ZNF527: variants seen among roughly 807,000 people sequenced by gnomAD.
The protein encoded by ZNF527 is zinc finger protein 527.
Under a neutral mutation model 13.5 loss-of-function variants are expected in ZNF527, and 5 were observed. That is an observed-to-expected ratio of 0.37 (90% CI 0.19 to 0.78). The LOEUF (loss-of-function observed/expected upper bound fraction) is 0.78, where lower values mean the gene tolerates loss of function less well. ZNF527 is among the 30% of genes least tolerant of loss of function. The pLI, the probability that ZNF527 is intolerant of heterozygous loss-of-function variation, is 0.48. For synonymous variants in ZNF527, 209 were observed against 243.1 expected (o/e 0.86, Z 1.30); for missense variants, 628 against 726.4 (o/e 0.86, Z 1.56).
Position 37,389,578 on chromosome 19 carries a change from C to G in ZNF527, c.1529C>G (p.Ala510Gly). Residue 510 changes from alanine to glycine, a missense_variant, in exon 5 of 5, where the codon GCT becomes GGT. Coordinates refer to ENST00000436120, the MANE Select transcript of ZNF527 (RefSeq NM_032453.2). ...CSKCGKAFSD[A>G]LVLIHHKRSH... Reference sequence around the variant, plus strand: ...AAATGTGGGAAAGCCTTCAGTGATGCTTTAGTTCTAATTCACCATAAGAGA... The same window carrying G: ...AAATGTGGGAAAGCCTTCAGTGATGGTTTAGTTCTAATTCACCATAAGAGA... 1 of 1,614,074 alleles carries G rather than the reference C, an allele frequency of 6.2e-7. No individual in the cohort carries two copies. The highest frequency in any genetic ancestry group is 8.5e-7 in the Non-Finnish European group (1 of 1,180,026).
At chr19:37,377,475 T>C (rs1160263812) in intron 2 of ZNF527, among the ~76,000 whole-genome samples, 2 of 152,054 alleles carry the variant, frequency 1.3e-5, no homozygotes, top group Non-Finnish European at 2.9e-5. Context: ...TAGGGAAGCA[T>C]AGTAGAGTGG....
In ZNF527 at chr19:37,388,730, C is replaced by T; in HGVS notation, c.681C>T (p.Phe227=). The T allele has an allele frequency of 6.2e-7, 1 of 1,612,056 alleles. No homozygotes were observed. Among genetic ancestry groups the T allele is most frequent in the Non-Finnish European group, 8.5e-7 (1 of 1,179,532 alleles). The part of the protein sequence containing the change: ...ESLIGNECEE[F]NQSTYLSKDI... ...TGATAGGTAATGAATGTGAAGAATTCAACCAGAGTACGTACCTTAGTAAAG... is the reference window on the plus strand; with the variant it reads ...TGATAGGTAATGAATGTGAAGAATTTAACCAGAGTACGTACCTTAGTAAAG... Residue 227 remains phenylalanine (F), a synonymous_variant, in exon 5 of 5, where the codon TTC becomes TTT. Transcript: ENST00000436120.
At chr19:37,388,194 C>T (rs1600271838) in intron 4 of ZNF527, 112 bp from the exon 5 acceptor site, 10 of 1,267,914 alleles carry the variant, frequency 7.9e-6, no homozygotes, top group Middle Eastern at 2.6e-4. Context: ...ATTAGAACCA[C>T]AGACTTTCTA....
chr19:37,389,019 C>A lies in ZNF527; in HGVS notation c.970C>A (p.His324Asn). 2 of 1,614,192 alleles carry A rather than the reference C, an allele frequency of 1.2e-6. No individual in the cohort carries two copies. Among genetic ancestry groups the A allele is most frequent in the South Asian group, 2.2e-5 (2 of 91,078 alleles). Reference sequence around the variant, plus strand: ...CTTTCTCAGTGAACATCAAAGAACTCATATTGGGGAGAAACCTTATGAATG... The same window carrying A: ...CTTTCTCAGTGAACATCAAAGAACTAATATTGGGGAGAAACCTTATGAATG... Reference protein sequence around the residue: ...DFFLSEHQRTHIGEKPYECKE... With the variant: ...DFFLSEHQRTNIGEKPYECKE... Residue 324 changes from histidine to asparagine, a missense_variant, in exon 5 of 5, where the codon CAT becomes AAT. Transcript: ENST00000436120.
At chr19:37,388,220 G>A in intron 4 of ZNF527, 86 bp from the exon 5 acceptor site, 1 of 1,491,918 alleles carries the variant, frequency 6.7e-7, no homozygotes, top group East Asian at 2.3e-5. Context: ...CTTCCCCCCA[G>A]TTAAATTCTT....
intron 3 of ZNF527, 91 bp downstream of exon 3, chr19:37,379,337 C>G: frequency 7.9e-7 from 1 of 1,260,044 alleles, no homozygotes; most frequent in South Asian, 2.2e-5. Context: ...CTTAAGACAT[C>G]TTAAAAGCAC....
intron 4 of ZNF527, 54 bp from the exon 5 acceptor site, chr19:37,388,252 T>G (rs773694025): frequency 1.9e-6 from 3 of 1,563,592 alleles, no homozygotes; most frequent in Non-Finnish European, 2.6e-6. Flanking sequence ...CTAACAATTT[T>G]CTTCCTCATA....
At position 37,372,443 on chromosome 19, in the gene ZNF527, CTTTCTTTTCT is replaced by C. The variant is rs201310158; in HGVS notation, c.-42+1236_-42+1245del. Among the ~76,000 whole-genome samples the C allele has an allele frequency of 4.8e-3, 627 of 131,486 alleles. 11 individuals are homozygous for C. Among genetic ancestry groups the C allele is most frequent in the African/African-American group, 0.018 (571 of 31,678 alleles). The allele number at this position is 131,486 out of a possible 152,430, so 86.3% of individuals were successfully genotyped here. On this transcript the variant is annotated intron_variant, in intron 1 of 4. Transcript: ENST00000436120. ...AATTCTAGGTCAACCACAGTTGTCC[CTTTCTTTTCT>C]TTTCTTTTCTTTTCTTTTTTTTTTT... is the stretch of plus-strand genomic sequence containing the variant.
Position 37,374,238 on chromosome 19 carries a change from A to G in ZNF527, c.33+7A>G, listed in dbSNP as rs1241156066. ...TTGTAAAGCCATGTCCCAGGTAAGCATGCTCTTTCACTTTGTTTTCAGACA... is the reference window on the plus strand; with the variant it reads ...TTGTAAAGCCATGTCCCAGGTAAGCGTGCTCTTTCACTTTGTTTTCAGACA... On this transcript the variant is annotated splice_region_variant and intron_variant, in intron 2 of 4. Transcript: ENST00000436120. 6.2e-7 allele frequency: 1 copy of G among 1,614,064 alleles called. No homozygotes were observed. The highest frequency in any genetic ancestry group is 1.7e-5 in the Admixed American group (1 of 59,992).
At chr19:37,384,636 T>G (rs971121290) in intron 4 of ZNF527, among the ~76,000 whole-genome samples, 2 of 152,352 alleles carry the variant, frequency 1.3e-5, no homozygotes, top group African/African-American at 4.8e-5. Flanking sequence ...AATGACAGTG[T>G]CTGAGAATGG....
chr19:37,389,594 C>G lies in ZNF527; in HGVS notation c.1545C>G (p.His515Gln). The part of the protein sequence containing the change: ...KAFSDALVLI[H>Q]HKRSHAGEKP... ...TCAGTGATGCTTTAGTTCTAATTCA[C>G]CATAAGAGAAGTCATGCAGGAGAGA... The change falls in exon 5 of 5, where the codon CAC (histidine) becomes CAG (glutamine). Residue 515 changes from histidine (H) to glutamine (Q), a missense_variant. Around this residue, in one of 3 missense-constraint regions of ZNF527, gnomAD observed 592 missense variants for 678.0 expected, o/e 0.87. Transcript: ENST00000436120. The G allele has an allele frequency of 6.2e-7, 1 of 1,613,360 alleles. No homozygotes were observed. Among genetic ancestry groups the G allele is most frequent in the Non-Finnish European group, 8.5e-7 (1 of 1,179,868 alleles).
intron 2 of ZNF527, among the ~76,000 whole-genome samples, chr19:37,377,234 G>A (rs1054710073): frequency 1.3e-5 from 2 of 152,152 alleles, no homozygotes; most frequent in African/African-American, 4.8e-5. Flanking sequence ...AAGGGAGAGA[G>A]GCGAAAATGT....
At chr19:37,371,815 G>A (rs2040559152) in intron 1 of ZNF527, among the ~76,000 whole-genome samples, 1 of 152,096 alleles carries the variant, frequency 6.6e-6, no homozygotes, top group African/African-American at 2.4e-5. Context: ...TGTATTGTGT[G>A]AGATTATGGG....
At position 37,389,976 on chromosome 19, in the gene ZNF527, C is replaced by A; in HGVS notation, c.*97C>A. ...GGTTAGTAATTCTTTGAATGTAGTT[C>A]ATATTTCAGTTCATGAGTATCCGTT... On this transcript the variant is annotated 3_prime_UTR_variant, in exon 5 of 5. Transcript: ENST00000436120. The A allele has an allele frequency of 7.0e-7, 1 of 1,419,736 alleles. No individual in the cohort carries two copies. Among genetic ancestry groups the A allele is most frequent in the Non-Finnish European group, 9.4e-7 (1 of 1,065,914 alleles). The allele number at this position is 1,419,736 out of a possible 1,614,324, so 87.9% of individuals were successfully genotyped here.
At position 37,388,835 on chromosome 19, in the gene ZNF527, T is replaced by G. The variant is rs200562474; in HGVS notation, c.786T>G (p.Thr262=). 2.4e-4 allele frequency: 386 copies of G among 1,613,990 alleles called. 1 individual carries two copies. In the African/African-American group the frequency reaches 3.1e-3, roughly 13 times the overall value. ...SKLLSFHSLF[T]QHQTTHFGKL... ...TCTTAAGTTTCCACTCATTATTTAC[T>G]CAACATCAGACCACTCATTTTGGAA... The change falls in exon 5 of 5, where the codon ACT becomes ACG. Residue 262 remains threonine (T), a synonymous_variant. Coordinates refer to ENST00000436120, the MANE Select transcript of ZNF527 (RefSeq NM_032453.2).
intron 3 of ZNF527, 134 bp from the exon 4 acceptor site, chr19:37,380,143 G>C (rs1316373876): frequency 7.0e-7 from 1 of 1,428,428 alleles, no homozygotes; most frequent in Admixed American, 2.7e-5. Context: ...CCATTCTCTA[G>C]CTCTTCCTCT....
At chr19:37,374,579 G>C (rs908990559) in intron 2 of ZNF527, among the ~76,000 whole-genome samples, 2 of 152,194 alleles carry the variant, frequency 1.3e-5, no homozygotes, top group African/African-American at 4.8e-5. Flanking sequence ...AAACTTCAGT[G>C]AAAGTAGCAA....
chr19:37,386,704 C>T (rs1285488048), intron 4 of ZNF527, among the ~76,000 whole-genome samples: 8 of 152,232 alleles, frequency 5.3e-5, no homozygotes, highest in African/African-American at 1.4e-4. Flanking sequence ...GCTCCAGGCA[C>T]CTCAGAGTCT....
chr19:37,388,582 T>C lies in ZNF527; in HGVS notation c.533T>C (p.Phe178Ser). The change falls in exon 5 of 5, where the codon TTT (phenylalanine) becomes TCT (serine). Residue 178 changes from phenylalanine (F) to serine (S), a missense_variant. By Grantham distance (155) the Phe-to-Ser change is radical. Around this residue, in one of 3 missense-constraint regions of ZNF527, gnomAD observed 592 missense variants for 678.0 expected, o/e 0.87. Coordinates refer to ENST00000436120, the MANE Select transcript of ZNF527 (RefSeq NM_032453.2). ...SGRSIPLKSV[F>S]LTQQKVPTIQ... ...AGAAGCATACCCCTGAAATCAGTAT[T>C]TTTAACACAACAGAAAGTTCCTACC... 6.2e-7 allele frequency: 1 copy of C among 1,614,152 alleles called. No individual in the cohort carries two copies. The highest frequency in any genetic ancestry group is 8.5e-7 in the Non-Finnish European group (1 of 1,180,018).
Sources: gnomAD v4.1 joint callset for allele counts (sites outside exome capture counted in the v4.1 genomes callset) on GRCh38, gnomAD v4.1.1 for gene constraint, gnomAD v4.1.1 regional missense constraint, MANE v1.5 for transcripts, NCBI Gene and HGNC (gene_info 2026-07-23, HGNC 2026-07-21) for gene names.